RLF: variants seen among roughly 807,000 people sequenced by gnomAD.
RLF encodes the protein zinc finger protein Rlf.
A neutral mutation model predicts 162.9 loss-of-function variants in RLF; 7 were observed. The ratio of observed to expected loss-of-function variants is 0.04; its 90% CI spans 0.02 to 0.08. The LOEUF (loss-of-function observed/expected upper bound fraction) is 0.08, where lower values mean the gene tolerates loss of function less well. Among genes scored for constraint, RLF ranks in the 10% least tolerant of loss-of-function variants. The pLI, the probability that RLF is intolerant of heterozygous loss-of-function variation, is 1.00. For missense variants in RLF, 1,664 were observed against 2,244.7 expected (o/e 0.74, Z 5.23); for synonymous variants, 782 against 791.5 (o/e 0.99, Z 0.20).
At chr1:40,229,803 G>C (rs1363595085) in intron 6 of RLF, among the ~76,000 whole-genome samples, 1 of 151,920 alleles carries the variant, frequency 6.6e-6, no homozygotes, top group East Asian at 1.9e-4. Context: ...TTTGAAGCGA[G>C]TTTTATAACT....
intron 1 of RLF, among the ~76,000 whole-genome samples, chr1:40,177,023 T>C (rs923606735): frequency 6.6e-6 from 1 of 151,950 alleles, no homozygotes; most frequent in African/African-American, 2.4e-5. Context: ...AGTCTCACTT[T>C]GTCGTCCAGG....
At chr1:40,164,796 A>G (rs531763530) in intron 1 of RLF, among the ~76,000 whole-genome samples, 1 of 152,316 alleles carries the variant, frequency 6.6e-6, no homozygotes, top group Admixed American at 6.5e-5. Flanking sequence ...CACTTTGAGA[A>G]TACTGGGCAA....
At position 40,238,526 on chromosome 1, in the gene RLF, T is replaced by G; in HGVS notation, c.3824T>G (p.Ile1275Arg). The G allele has an allele frequency of 6.2e-7, 1 of 1,613,882 alleles. No individual in the cohort carries two copies. The highest frequency in any genetic ancestry group is 1.6e-4 in the Middle Eastern group (1 of 6,062). The change falls in exon 8 of 8, where the codon ATA becomes AGA. Residue 1275 changes from isoleucine to arginine, a missense_variant. Physicochemically the swap from Ile to Arg is moderately conservative, Grantham distance 97. This residue lies in a region of RLF where 102 missense variants were observed against 109.5 expected (regional missense o/e 0.93). Coordinates refer to ENST00000372771, the MANE Select transcript of RLF (RefSeq NM_012421.4). This position sits in a 1 kb window ranked among gnomAD's most constrained non-coding sequence, Gnocchi z 5.2. ...AAAACATCTGACATTTCATCACCAA[T>G]AGGCAGCCATAGAGAAGAACAAGAA... ...ESKTSDISSP[I>R]GSHREEQEGR...
At chr1:40,203,026 A>C (rs1209997550) in intron 5 of RLF, among the ~76,000 whole-genome samples, 1 of 152,070 alleles carries the variant, frequency 6.6e-6, no homozygotes, top group Non-Finnish European at 1.5e-5. Context: ...TGTAAGCAGA[A>C]AAGTATAGGA....
At chr1:40,205,060 C>T (rs1157708833) in intron 5 of RLF, among the ~76,000 whole-genome samples, 1 of 152,234 alleles carries the variant, frequency 6.6e-6, no homozygotes, top group Non-Finnish European at 1.5e-5. Flanking sequence ...GATAATGCTA[C>T]AGCAGTTCTC....
rs1210249166 is a variant in RLF at position 40,182,783 on chromosome 1, AG to A, written c.238-6271del. Reference sequence around the variant, plus strand: ...TAGATAGATAGATAGATAGATAGATAGATAGATAGAGTAATAAGTTAGTCAT... The same window carrying A: ...TAGATAGATAGATAGATAGATAGATAATAGATAGAGTAATAAGTTAGTCAT... On this transcript the variant is annotated intron_variant, in intron 1 of 7. Transcript: ENST00000372771. Among the ~76,000 whole-genome samples, 14 of 151,862 alleles carry A rather than the reference AG, an allele frequency of 9.2e-5. 1 individual carries two copies. Among genetic ancestry groups the A allele is most frequent in the African/African-American group, 3.4e-4 (14 of 41,252 alleles).
chr1:40,235,592 A>G lies in RLF; in HGVS notation c.1090-200A>G, dbSNP rs116617387. On this transcript the variant is annotated intron_variant, in intron 7 of 7. Transcript: ENST00000372771. ...AATACACAGTGCCTAGTAAATGTAC[A>G]TTGTTCGTAGTTGTAGCATCTAATT... is the stretch of plus-strand genomic sequence containing the variant. Among the ~76,000 whole-genome samples the G allele has an allele frequency of 4.9e-3, 752 of 152,306 alleles. 5 individuals are homozygous for G. The highest frequency in any genetic ancestry group is 0.017 in the African/African-American group (699 of 41,576).
intron 4 of RLF, among the ~76,000 whole-genome samples, chr1:40,197,247 A>G (rs1047695552): frequency 6.6e-6 from 1 of 152,210 alleles, no homozygotes; most frequent in African/African-American, 2.4e-5. Flanking sequence ...AAGAATAAGG[A>G]AAAGTGCTGT....
In RLF at chr1:40,161,802, C is replaced by G. The variant is rs1311835528; in HGVS notation, c.237+166C>G. On this transcript the variant is annotated intron_variant, in intron 1 of 7. Transcript: ENST00000372771. This position sits in a 1 kb window ranked among gnomAD's most constrained non-coding sequence, Gnocchi z 4.4. ...GCTCGGAAGCTCGACCGCTGGCCCC[C>G]CTGCGCCACTGCCCGACTTTGGCCA... Among the ~76,000 whole-genome samples the G allele has an allele frequency of 1.3e-5, 2 of 152,226 alleles. No individual in the cohort carries two copies. Among genetic ancestry groups the G allele is most frequent in the Non-Finnish European group, 2.9e-5 (2 of 68,034 alleles).
intron 1 of RLF, among the ~76,000 whole-genome samples, chr1:40,185,843 CAAAAAA>C (rs33982008): frequency 2.2e-3 from 150 of 67,550 alleles, no homozygotes; most frequent in African/African-American, 8.1e-3. Flanking sequence ...AAAAAAAAAG[CAAAAAA>C]AAAAAAAAAA....
In RLF at chr1:40,213,304, A is replaced by C. The variant is rs375446152; in HGVS notation, c.811-9270A>C. On this transcript the variant is annotated intron_variant, in intron 5 of 7. Transcript: ENST00000372771. ...GTGTGGGTATTTTGGTTGGTGTATG[A>C]TTGCACTGGAGGGGGTCATTATGAA... Among the ~76,000 whole-genome samples the C allele has an allele frequency of 8.5e-5, 13 of 152,268 alleles. 1 individual carries two copies. Among genetic ancestry groups the C allele is most frequent in the East Asian group, 3.9e-4 (2 of 5,182 alleles).
chr1:40,201,018 A>G (rs965195181), intron 4 of RLF, among the ~76,000 whole-genome samples: 4 of 71,414 alleles, frequency 5.6e-5, no homozygotes, highest in Non-Finnish European at 1.1e-4. Flanking sequence ...AACCATTGCT[A>G]CTCTACACAC....
At chr1:40,211,703 C>T (rs1427758867) in intron 5 of RLF, among the ~76,000 whole-genome samples, 1 of 152,040 alleles carries the variant, frequency 6.6e-6, no homozygotes, top group Non-Finnish European at 1.5e-5. Flanking sequence ...CTCACTGCAA[C>T]CTCTGCCTCT....
rs1401773906 is a variant in RLF at position 40,237,295 on chromosome 1, C to G, written c.2593C>G (p.His865Asp). Reference sequence around the variant, plus strand: ...TCTACTTAACCAAACTGATAAATCACATTTACCTGAAGATCTTTTCTGTGC... The same window carrying G: ...TCTACTTAACCAAACTGATAAATCAGATTTACCTGAAGATCTTTTCTGTGC... ...PHLLNQTDKS[H>D]LPEDLFCAES... The change falls in exon 8 of 8, where the codon CAT becomes GAT. Residue 865 changes from histidine (H) to aspartate (D), a missense_variant. Physicochemically the swap from His to Asp is moderately conservative, Grantham distance 81 (BLOSUM62 -1). Transcript: ENST00000372771. This position sits in a 1 kb window ranked among gnomAD's most constrained non-coding sequence, Gnocchi z 4.4. The G allele has an allele frequency of 6.2e-7, 1 of 1,614,058 alleles. No individual in the cohort carries two copies. Among genetic ancestry groups the G allele is most frequent in the South Asian group, 1.1e-5 (1 of 91,072 alleles).
At position 40,172,960 on chromosome 1, in the gene RLF, C is replaced by T. The variant is rs184499633; in HGVS notation, c.237+11324C>T. ...TCCGCCAATAGTGTTTGGGAGTCCC[C>T]GTTTTACTAAATCCTTGCCAATGCT... On this transcript the variant is annotated intron_variant, in intron 1 of 7. Transcript: ENST00000372771. Among the ~76,000 whole-genome samples, 158 of 152,136 alleles carry T rather than the reference C, an allele frequency of 1.0e-3. 2 individuals are homozygous for T. Among genetic ancestry groups the T allele is most frequent in the Non-Finnish European group, 4.7e-4 (32 of 68,000 alleles).
intron 1 of RLF, among the ~76,000 whole-genome samples, chr1:40,175,821 T>C (rs1642317555): frequency 1.3e-5 from 2 of 151,546 alleles, no homozygotes; most frequent in Admixed American, 1.3e-4. Flanking sequence ...TGGTGCACTT[T>C]GGCATATCTT....
rs895455745 is a variant in RLF at position 40,221,899 on chromosome 1, C to CAA, written c.811-657_811-656dup. ...TGGGCGACACAGCGAGACTCCGTCT[C>CAA]AAAAAAAAAAAAAAAAAAAGAGAAA... On this transcript the variant is annotated intron_variant, in intron 5 of 7. Coordinates refer to ENST00000372771, the MANE Select transcript of RLF (RefSeq NM_012421.4). Among the ~76,000 whole-genome samples the CAA allele has an allele frequency of 2.4e-3, 155 of 64,944 alleles. 5 individuals are homozygous for CAA. The highest frequency in any genetic ancestry group is 7.5e-3 in the African/African-American group (126 of 16,748). 42.6% of individuals were successfully genotyped at this position (64,944 alleles called of 152,430 possible). A position where few individuals can be genotyped will look rare whatever the true frequency, so the allele number is the denominator to read the frequency against.
intron 1 of RLF, among the ~76,000 whole-genome samples, chr1:40,174,939 C>CCT (rs1432067436): frequency 6.6e-6 from 1 of 152,132 alleles, no homozygotes; most frequent in African/African-American, 2.4e-5. Flanking sequence ...GTGGCTCACA[C>CCT]CTGTAATCCC....
intron 5 of RLF, among the ~76,000 whole-genome samples, chr1:40,220,503 G>C (rs1212658046): frequency 6.6e-6 from 1 of 152,050 alleles, no homozygotes; most frequent in Non-Finnish European, 1.5e-5. Flanking sequence ...CCCCAAATTT[G>C]AGTTAGATTC....
Sources: gnomAD v4.1 joint callset for allele counts (sites outside exome capture counted in the v4.1 genomes callset) on GRCh38, gnomAD v4.1.1 for gene constraint, gnomAD v4.1.1 regional missense constraint, Gnocchi (gnomAD v3.1) non-coding constraint, MANE v1.5 for transcripts, NCBI Gene and HGNC (gene_info 2026-07-23, HGNC 2026-07-21) for gene names.